The following XKR5 variants were observed in gnomAD, a reference collection of about 807,000 sequenced individuals.
XKR5 encodes the protein XK related 5.
Under a neutral mutation model 40.8 loss-of-function variants are expected in XKR5, and 46 were observed. The observed-to-expected ratio is 1.13, with a 90% CI of 0.89 to 1.44. The LOEUF (loss-of-function observed/expected upper bound fraction) is 1.44, where lower values mean the gene tolerates loss of function less well. XKR5 is among the 40% of genes most tolerant of loss of function. The pLI is 0.00. For missense variants in XKR5, 1,169 were observed against 844.7 expected (o/e 1.38, Z -4.76); for synonymous variants, 466 against 356.1 (o/e 1.31, Z -3.48).
chr8:6,822,054 G>C lies in XKR5; in HGVS notation c.638-16C>G, dbSNP rs1427708011. The C allele has an allele frequency of 6.3e-7, 1 of 1,596,026 alleles. No homozygotes were observed. Among genetic ancestry groups the C allele is most frequent in the Non-Finnish European group, 8.5e-7 (1 of 1,171,260 alleles). On this transcript the variant is annotated splice_polypyrimidine_tract_variant and intron_variant, in intron 4 of 6. Coordinates refer to ENST00000618742, the MANE Select transcript of XKR5 (RefSeq NM_207411.5). ...CAGTGGGCACCTGCAGAGAAGCCGG[G>C]TGCAGACGTCAGGGTCCATGCAAGG...
Position 6,815,403 on chromosome 8 carries a change from C to G in XKR5, c.919+404G>C, listed in dbSNP as rs186747922. Among the ~76,000 whole-genome samples, 570 of 152,234 alleles carry G rather than the reference C, an allele frequency of 3.7e-3. 5 individuals are homozygous for G. The highest frequency in any genetic ancestry group is 0.013 in the African/African-American group (551 of 41,548). On this transcript the variant is annotated intron_variant, in intron 6 of 6. Coordinates refer to ENST00000618742, the MANE Select transcript of XKR5 (RefSeq NM_207411.5). ...TCAACCTCCTCTGTGCCTCACCTTC[C>G]TCTCCTCCTCTGCTAGGGCACCCAC...
At chr8:6,825,998 G>T (rs372956310) in intron 2 of XKR5, among the ~76,000 whole-genome samples, 3 of 152,236 alleles carry the variant, frequency 2.0e-5, no homozygotes, top group East Asian at 3.9e-4. Flanking sequence ...TTTGGATTTT[G>T]CTCTGGAAAA....
At chr8:6,821,789 C>T in intron 5 of XKR5, 80 bp downstream of exon 5, 1 of 1,318,670 alleles carries the variant, frequency 7.6e-7, no homozygotes, top group Non-Finnish European at 1.0e-6. Context: ...CACACACACA[C>T]ACACCCCCCA....
At chr8:6,812,650 A>ATG (rs1001260355) in intron 6 of XKR5, among the ~76,000 whole-genome samples, 5 of 152,190 alleles carry the variant, frequency 3.3e-5, no homozygotes, top group African/African-American at 1.2e-4. Context: ...GCATTCATGC[A>ATG]TGTGTGTGTG....
At chr8:6,832,969 A>G in intron 1 of XKR5, 69 bp from the exon 2 acceptor site, 10 of 1,319,476 alleles carry the variant, frequency 7.6e-6, no homozygotes, top group Non-Finnish European at 1.0e-5. Context: ...CTGCATTTTA[A>G]ACAACTGAAC....
At chr8:6,828,177 A>G (rs1017028301) in intron 2 of XKR5, among the ~76,000 whole-genome samples, 5 of 152,338 alleles carry the variant, frequency 3.3e-5, no homozygotes, top group South Asian at 2.1e-4. Context: ...AGGAAGAAAT[A>G]TAAGTATCAA....
intron 2 of XKR5, among the ~76,000 whole-genome samples, chr8:6,827,134 G>C (rs1394228024): frequency 6.6e-6 from 1 of 152,062 alleles, no homozygotes; most frequent in Non-Finnish European, 1.5e-5. Context: ...ACACCAGCGG[G>C]CTCTCAGGCT....
At chr8:6,816,333 C>T (rs899942223) in intron 5 of XKR5, among the ~76,000 whole-genome samples, 1 of 152,150 alleles carries the variant, frequency 6.6e-6, no homozygotes, top group Non-Finnish European at 1.5e-5. Context: ...CCACTGAATT[C>T]CAGGGAGCTA....
chr8:6,833,566 T>C (rs988386864), intron 1 of XKR5, among the ~76,000 whole-genome samples: 2 of 152,126 alleles, frequency 1.3e-5, no homozygotes, highest in African/African-American at 4.8e-5. Flanking sequence ...AATACAAAAA[T>C]GAGCAAGTTT....
At chr8:6,824,374 A>T (rs970956864) in intron 3 of XKR5, among the ~76,000 whole-genome samples, 51 of 152,054 alleles carry the variant, frequency 3.4e-4, no homozygotes, top group African/African-American at 1.1e-3. Context: ...AGGGAGAGGG[A>T]AACAAGAAGC....
intron 3 of XKR5, 47 bp from the exon 4 acceptor site, chr8:6,823,777 T>G (rs1804346302): frequency 6.9e-7 from 1 of 1,449,564 alleles, no homozygotes; most frequent in Non-Finnish European, 9.5e-7. Flanking sequence ...GATTCCGAAG[T>G]AACAGTACCT....
At chr8:6,834,245 G>C (rs1804900216) in intron 1 of XKR5, among the ~76,000 whole-genome samples, 1 of 152,214 alleles carries the variant, frequency 6.6e-6, no homozygotes, top group Admixed American at 6.5e-5. Context: ...AGTTCTAAGT[G>C]GATGAATGAA....
intron 2 of XKR5, among the ~76,000 whole-genome samples, chr8:6,830,043 T>TA (rs1804688698): frequency 6.6e-6 from 1 of 151,874 alleles, no homozygotes; most frequent in Non-Finnish European, 1.5e-5. Flanking sequence ...TTCACCGTGT[T>TA]AGCCAGGATG....
At chr8:6,813,407 C>A (rs1803823509) in intron 6 of XKR5, among the ~76,000 whole-genome samples, 1 of 152,176 alleles carries the variant, frequency 6.6e-6, no homozygotes, top group Non-Finnish European at 1.5e-5. Flanking sequence ...TCACAGAAGT[C>A]CTGGGCACAC....
chr8:6,830,940 G>A (rs1322394289), intron 2 of XKR5, among the ~76,000 whole-genome samples: 1 of 152,200 alleles, frequency 6.6e-6, no homozygotes, highest in Non-Finnish European at 1.5e-5. Context: ...CTCTGAGGAA[G>A]GCAGTGGATT....
At chr8:6,817,156 C>G (rs949334831) in intron 5 of XKR5, among the ~76,000 whole-genome samples, 3 of 152,162 alleles carry the variant, frequency 2.0e-5, no homozygotes, top group African/African-American at 4.8e-5. Flanking sequence ...CAACCCCTAT[C>G]TTCATTCTCT....
rs555303818 is a variant in XKR5, at chr8:6,818,793, C to T, written c.808-2875G>A. On this transcript the variant is annotated intron_variant, in intron 5 of 6. Transcript: ENST00000618742. ...GCTGAGGCCCAGCTGCACTGGAGGCCCCCAGCCCCCAGCCCCTGCCAGACC... is the reference window on the plus strand; with the variant it reads ...GCTGAGGCCCAGCTGCACTGGAGGCTCCCAGCCCCCAGCCCCTGCCAGACC... Among the ~76,000 whole-genome samples the T allele has an allele frequency of 4.6e-5, 7 of 152,312 alleles. No individual in the cohort carries two copies. In the East Asian group the frequency reaches 1.4e-3, roughly 29 times the overall value.
At chr8:6,832,693 G>T (rs2978901) in intron 2 of XKR5, 24 bp downstream of exon 2, 6 of 1,611,590 alleles carry the variant, frequency 3.7e-6, no homozygotes, top group African/African-American at 1.3e-5. Context: ...GTGCTCCAGA[G>T]GTGAAAGAGG....
intron 5 of XKR5, among the ~76,000 whole-genome samples, chr8:6,820,360 A>T (rs1041248000): frequency 6.6e-6 from 1 of 152,200 alleles, no homozygotes; most frequent in Non-Finnish European, 1.5e-5. Flanking sequence ...TGACTGTATG[A>T]GATGGTTGGG....
Sources: allele counts gnomAD v4.1 joint callset (sites outside exome capture counted in the v4.1 genomes callset), GRCh38; gene constraint gnomAD v4.1.1; transcripts MANE v1.5; gene names NCBI Gene and HGNC (gene_info 2026-07-23, HGNC 2026-07-21).